B3GALNT2: variants seen among roughly 807,000 people sequenced by gnomAD.
B3GALNT2 encodes beta-1,3-N-acetylgalactosaminyltransferase 2.
Under a neutral mutation model 61.1 loss-of-function variants are expected in B3GALNT2, and 53 were observed. That is an observed-to-expected ratio of 0.87 (90% CI 0.70 to 1.09). The LOEUF (loss-of-function observed/expected upper bound fraction) is 1.09, where lower values mean the gene tolerates loss of function less well. B3GALNT2 is among the 50% of genes least tolerant of loss of function. B3GALNT2 has a pLI of 0.00. For synonymous variants in B3GALNT2, 223 were observed against 237.4 expected (o/e 0.94, Z 0.56); for missense variants, 544 against 623.0 (o/e 0.87, Z 1.35).
chr1:235,470,978 A>T lies in B3GALNT2; in HGVS notation c.652-18T>A, dbSNP rs781580352. On this transcript the variant is annotated intron_variant, in intron 5 of 11. Transcript: ENST00000366600. ...TCAAAGCTCTTTTGTAGAAAGATGA[A>T]TAGTGAGTCAATTTCCTTATTGCTG... 18 of 1,612,140 alleles carry T rather than the reference A, an allele frequency of 1.1e-5. No homozygotes were observed. The South Asian group carries it at 1.7e-4, about 15-fold the overall frequency.
chr1:235,451,253 TCTCTCTCCC>T (rs1296334742), intron 11 of B3GALNT2: 4 of 151,328 alleles, frequency 2.6e-5, no homozygotes, highest in African/African-American at 7.3e-5. Flanking sequence ...TGGAAAGGAG[TCTCTCTCCC>T]CTCAGTGCCT....
chr1:235,452,158 G>T (rs1054283067), intron 11 of B3GALNT2: 1 of 151,586 alleles, frequency 6.6e-6, no homozygotes, highest in Non-Finnish European at 1.5e-5. Context: ...GACCACAGGC[G>T]CCCGCCACTA....
chr1:235,453,096 T>C lies in B3GALNT2; in HGVS notation c.1362A>G (p.Arg454=), dbSNP rs1398470573. 6 of 1,611,248 alleles carry C rather than the reference T, an allele frequency of 3.7e-6. No homozygotes were observed. In the African/African-American group the frequency reaches 4.0e-5, roughly 11 times the overall value. ...GCCATCCCCAAAGACTTACCTGGTA[T>C]CTTTTAGGTCCTATGGCAGCCATCC... ...GIWMAAIGPK[R]YQDSLWLCEK... is the part of the protein sequence containing the mutation. Residue 454 remains arginine, a synonymous_variant, in exon 11 of 12, where the codon AGA becomes AGG. Coordinates refer to ENST00000366600, the MANE Select transcript of B3GALNT2 (RefSeq NM_152490.5).
chr1:235,448,299 A>G lies in B3GALNT2; in HGVS notation c.*1907T>C, dbSNP rs746626682. ...GTCTCATCACATGAGCTAGTTTTAC[A>G]GGTAACTGTCATTTGAGAGAACGAA... is the stretch of plus-strand genomic sequence containing the variant. On this transcript the variant is annotated 3_prime_UTR_variant, in exon 12 of 12. Coordinates refer to ENST00000366600, the MANE Select transcript of B3GALNT2 (RefSeq NM_152490.5). The G allele has an allele frequency of 6.7e-7, 1 of 1,483,004 alleles. No homozygotes were observed. Among genetic ancestry groups the G allele is most frequent in the Non-Finnish European group, 9.4e-7 (1 of 1,062,060 alleles). The allele number at this position is 1,483,004 out of a possible 1,614,324, so 91.9% of individuals were successfully genotyped here.
Position 235,484,333 on chromosome 1 carries a change from C to T in B3GALNT2, c.544G>A (p.Ala182Thr). 6.2e-7 allele frequency: 1 copy of T among 1,613,572 alleles called. No homozygotes were observed. The highest frequency in any genetic ancestry group is 8.5e-7 in the Non-Finnish European group (1 of 1,179,756). Residue 182 changes from alanine to threonine, a missense_variant, in exon 4 of 12, where the codon GCA (alanine) becomes ACA (threonine). Physicochemically the swap from Ala to Thr is moderately conservative, Grantham distance 58. Transcript: ENST00000366600. ...AGAGCAGTGCATACCTCTTGTTCTG[C>T]CTGATAAAGTTTGACAGTGATGTTC... ...QRNITVKLYQ[A>T]EQEEALFIAR...
chr1:235,486,565 G>C (rs76897397), intron 3 of B3GALNT2, among the ~76,000 whole-genome samples: 75 of 152,058 alleles, frequency 4.9e-4, no homozygotes, highest in African/African-American at 1.8e-3. Context: ...TGACCTTCAG[G>C]TACTGAAATA....
chr1:235,495,060 C>T (rs1396291590), intron 1 of B3GALNT2, among the ~76,000 whole-genome samples: 3 of 152,054 alleles, frequency 2.0e-5, no homozygotes, highest in East Asian at 1.9e-4. Flanking sequence ...TTCATGCTCA[C>T]GTAAGTATAC....
At chr1:235,470,479 C>A (rs748991044) in intron 6 of B3GALNT2, among the ~76,000 whole-genome samples, 15 of 149,118 alleles carry the variant, frequency 1.0e-4, no homozygotes, top group Admixed American at 2.0e-4. Context: ...GTAGCCCCAG[C>A]TACATGGGAG....
intron 5 of B3GALNT2, among the ~76,000 whole-genome samples, chr1:235,473,003 G>T (rs1251716954): frequency 6.6e-6 from 1 of 152,066 alleles, no homozygotes; most frequent in Admixed American, 6.5e-5. Flanking sequence ...CCACCTCCCA[G>T]GTCCTGGTTC....
chr1:235,461,488 C>T (rs563311130), intron 7 of B3GALNT2, among the ~76,000 whole-genome samples: 1 of 146,490 alleles, frequency 6.8e-6, no homozygotes, highest in East Asian at 2.0e-4. Flanking sequence ...TTGAGAAACA[C>T]AGGGGTAGAT....
intron 5 of B3GALNT2, among the ~76,000 whole-genome samples, chr1:235,477,667 T>G (rs929335943): frequency 5.3e-5 from 8 of 152,280 alleles, no homozygotes; most frequent in African/African-American, 1.9e-4. Flanking sequence ...GCAGAATCCC[T>G]GTCCCTTTAC....
At chr1:235,443,185 C>CACACATAT (rs375134195), downstream of B3GALNT2, among the ~76,000 whole-genome samples, 1 of 139,748 alleles carries the variant, frequency 7.2e-6, no homozygotes, top group African/African-American at 2.5e-5. Context: ...CACACACACA[C>CACACATAT]ATATATATAT....
chr1:235,466,483 G>C lies in B3GALNT2; in HGVS notation c.763-769C>G, dbSNP rs189275020. On this transcript the variant is annotated intron_variant, in intron 6 of 11. Coordinates refer to ENST00000366600, the MANE Select transcript of B3GALNT2 (RefSeq NM_152490.5). ...TCTTCCCATCTCAGCCTTACAAGCA[G>C]CTAGCACTACAGGTGTGCACCACCA... Among the ~76,000 whole-genome samples the C allele has an allele frequency of 1.1e-4, 17 of 152,228 alleles. No individual in the cohort carries two copies. The South Asian group carries it at 3.3e-3, about 30-fold the overall frequency.
intron 1 of B3GALNT2, among the ~76,000 whole-genome samples, chr1:235,498,115 G>A (rs1685413392): frequency 6.6e-6 from 1 of 152,184 alleles, no homozygotes; most frequent in Non-Finnish European, 1.5e-5. Flanking sequence ...TACCATTAAT[G>A]TAAATTAGTC....
chr1:235,468,321 TTTTG>T (rs1177642655), intron 6 of B3GALNT2, among the ~76,000 whole-genome samples: 1 of 152,138 alleles, frequency 6.6e-6, no homozygotes, highest in Non-Finnish European at 1.5e-5. Context: ...AGTTACCTGG[TTTTG>T]TTTTTGTTTT....
rs563192260 is a variant in B3GALNT2 at position 235,448,037 on chromosome 1, C to A, written c.*2169G>T. 6.6e-6 allele frequency among the ~76,000 whole-genome samples: 1 copy of A among 151,802 alleles called. No individual in the cohort carries two copies. ...CAGCCTGGCCAACATGGTGAAACCC[C>A]GTCTCTACTAAAAATACAAAAGTTA... On this transcript the variant is annotated 3_prime_UTR_variant, in exon 12 of 12. Coordinates refer to ENST00000366600, the MANE Select transcript of B3GALNT2 (RefSeq NM_152490.5).
chr1:235,459,531 G>A (rs565579495), intron 7 of B3GALNT2, among the ~76,000 whole-genome samples: 1 of 152,288 alleles, frequency 6.6e-6, no homozygotes, highest in East Asian at 1.9e-4. Context: ...GCCAAGGCAG[G>A]AGGATCCCTG....
intron 5 of B3GALNT2, among the ~76,000 whole-genome samples, chr1:235,472,730 A>G (rs558390045): frequency 3.7e-4 from 56 of 151,934 alleles, no homozygotes; most frequent in African/African-American, 1.2e-3. Context: ...AATGAAAGAT[A>G]TACCTCTAAT....
intron 11 of B3GALNT2, chr1:235,451,214 G>T (rs1682876538): frequency 6.6e-6 from 1 of 152,142 alleles, no homozygotes; most frequent in Admixed American, 6.6e-5. Context: ...CACTCAGCTT[G>T]TCTGTCTCAG....
Sources: allele counts gnomAD v4.1 joint callset (sites outside exome capture counted in the v4.1 genomes callset), GRCh38; gene constraint gnomAD v4.1.1; transcripts MANE v1.5; gene names NCBI Gene and HGNC (gene_info 2026-07-23, HGNC 2026-07-21).